The following LCE1E variants were observed in gnomAD, a reference collection of about 807,000 sequenced individuals.
LCE1E encodes the protein late cornified envelope protein 1E.
For synonymous variants in LCE1E, 61 were observed against 55.0 expected, an observed-to-expected ratio of 1.11 and a Z score of -0.48; for missense variants, 144 against 144.3, an observed-to-expected ratio of 1.00 and a Z score of 0.01.
Position 152,787,876 on chromosome 1 carries a change from T to A in LCE1E, c.*220T>A, listed in dbSNP as rs61814474. The stretch of plus-strand genomic sequence containing the variant: ...TCCTCCCCAGCTCACGCTGCTGTAT[T>A]CTGTGCTGCCTGAACTGAAGAAATA... On this transcript the variant is annotated 3_prime_UTR_variant, in exon 2 of 2. Coordinates refer to ENST00000368770, the MANE Select transcript of LCE1E (RefSeq NM_178353.2). 112,699 of 604,324 alleles carry A rather than the reference T, an allele frequency of 0.19. 4,011 individuals are homozygous for A. Among genetic ancestry groups the A allele is most frequent in the African/African-American group, 0.34 (17,770 of 52,086 alleles). The allele number at this position is 604,324 out of a possible 1,614,324, so 37.4% of individuals were successfully genotyped here.
rs41268484 is a variant in LCE1E, at chr1:152,786,290, G to C, written c.-40G>C. Reference sequence around the variant, plus strand: ...ACTTCCTGAGGTGCCGAAGGACCCTGTGCTGCCTGTGACTTTGGTATGTGT... The same window carrying C: ...ACTTCCTGAGGTGCCGAAGGACCCTCTGCTGCCTGTGACTTTGGTATGTGT... On this transcript the variant is annotated 5_prime_UTR_variant, in exon 1 of 2. Transcript: ENST00000368770. The C allele has an allele frequency of 0.28, 42,419 of 152,394 alleles. 6,389 individuals are homozygous for C. The highest frequency in any genetic ancestry group is 0.35 in the Non-Finnish European group (23,536 of 68,150). The allele number at this position is 152,394 out of a possible 1,614,324, so 9.4% of individuals were successfully genotyped here. A position where few individuals can be genotyped will look rare whatever the true frequency, so the allele number is the denominator to read the frequency against.
intron 1 of LCE1E, 94 bp downstream of exon 1, chr1:152,786,401 G>A (rs1399585787): frequency 2.0e-5 from 3 of 152,692 alleles, no homozygotes; most frequent in Admixed American, 6.5e-5. Context: ...CATGGGGGAG[G>A]AGACTGGTAA....
At chr1:152,787,056 T>C (rs1651865811) in intron 1 of LCE1E, among the ~76,000 whole-genome samples, 1 of 152,234 alleles carries the variant, frequency 6.6e-6, no homozygotes, top group Non-Finnish European at 1.5e-5. Flanking sequence ...GACTGTCAGA[T>C]GCATTTTGTA....
At chr1:152,787,157 A>C (rs1342382565) in intron 1 of LCE1E, 121 bp from the exon 2 acceptor site, 2 of 942,546 alleles carry the variant, frequency 2.1e-6, no homozygotes, top group African/African-American at 3.3e-5. Context: ...GAATTTGGGG[A>C]AAGTATTGGA....
At chr1:152,787,220 T>C in intron 1 of LCE1E, 58 bp from the exon 2 acceptor site, 1 of 1,462,800 alleles carries the variant, frequency 6.8e-7, no homozygotes, top group Non-Finnish European at 9.5e-7. Flanking sequence ...GCTAAGAGTG[T>C]CAGAGGGGCA....
At chr1:152,786,579 C>T (rs757352205) in intron 1 of LCE1E, among the ~76,000 whole-genome samples, 12 of 152,160 alleles carry the variant, frequency 7.9e-5, no homozygotes, top group Non-Finnish European at 1.3e-4. Flanking sequence ...AACCTTGTCC[C>T]TGTCTGCAAG....
intron 1 of LCE1E, among the ~76,000 whole-genome samples, chr1:152,786,631 G>A (rs975793594): frequency 1.2e-4 from 18 of 152,130 alleles, no homozygotes; most frequent in Non-Finnish European, 4.4e-5. Context: ...GGCTCCTTTG[G>A]GCTTATGGAA....
rs756254791 is a variant in LCE1E, at chr1:152,787,458, C to T, written c.159C>T (p.Gly53=). Residue 53 remains glycine (G), a synonymous_variant, in exon 2 of 2, where the codon GGC becomes GGT. Transcript: ENST00000368770. ...GTGTCAGCTCCGGAGGCTGCTGTGG[C>T]TCCAGCTCTGGGGGCAGCTGTGGCT... ...CCSVSSGGCC[G]SSSGGSCGSS... 1 of 1,613,572 alleles carries T rather than the reference C, an allele frequency of 6.2e-7. No individual in the cohort carries two copies. The highest frequency in any genetic ancestry group is 8.5e-7 in the Non-Finnish European group (1 of 1,179,852).
chr1:152,787,182 A>T, intron 1 of LCE1E, 96 bp from the exon 2 acceptor site: 1 of 1,141,896 alleles, frequency 8.8e-7, no homozygotes, highest in South Asian at 1.4e-5. Flanking sequence ...AAACTACTGG[A>T]CATGATGTTT....
rs565831886 is a variant in LCE1E at position 152,786,726 on chromosome 1, C to G, written c.-23+419C>G. Among the ~76,000 whole-genome samples the G allele has an allele frequency of 4.6e-5, 7 of 152,236 alleles. No homozygotes were observed. The South Asian group carries it at 1.5e-3, about 32-fold the overall frequency. On this transcript the variant is annotated intron_variant, in intron 1 of 1. Transcript: ENST00000368770. The stretch of plus-strand genomic sequence containing the variant: ...CAAACCTGAGACTCACCATGCCCAC[C>G]CATCAGCCTGAGCAGGTGGTAAGCT...
rs752322139 is a variant in LCE1E, at chr1:152,787,690, GC to G, written c.*36del. 1.3e-6 allele frequency: 2 copies of G among 1,524,612 alleles called. No homozygotes were observed. Among genetic ancestry groups the G allele is most frequent in the Non-Finnish European group, 1.8e-6 (2 of 1,138,232 alleles). 94.4% of individuals were successfully genotyped at this position (1,524,612 alleles called of 1,614,324 possible). On this transcript the variant is annotated 3_prime_UTR_variant, in exon 2 of 2. Coordinates refer to ENST00000368770, the MANE Select transcript of LCE1E (RefSeq NM_178353.2). ...TTGACTTCCTCTTCCTTCTGATTCTGCCTGAATAGCTGAGAGGTTCCAGCAA... is the reference window on the plus strand; with the variant it reads ...TTGACTTCCTCTTCCTTCTGATTCTGCTGAATAGCTGAGAGGTTCCAGCAA...
chr1:152,787,099 A>G (rs1651868406), intron 1 of LCE1E, among the ~76,000 whole-genome samples, 179 bp from the exon 2 acceptor site: 1 of 152,194 alleles, frequency 6.6e-6, no homozygotes, highest in Non-Finnish European at 1.5e-5. Context: ...AATTTTGTGT[A>G]GCAGATAACA....
rs535623505 is a variant in LCE1E at position 152,787,613 on chromosome 1, G to C, written c.314G>C (p.Cys105Ser). ...AGCCAGCCCTCAGGGGGCTCCAGCT[G>C]CTGTGGAGGGGGCAGCGGCCAGCAC... ...CCSQPSGGSS[C>S]CGGGSGQHSG... The change falls in exon 2 of 2, where the codon TGC becomes TCC. Residue 105 changes from cysteine to serine, a missense_variant. Physicochemically the swap from Cys to Ser is moderately radical, Grantham distance 112 (BLOSUM62 -1). Transcript: ENST00000368770. 3 of 1,603,430 alleles carry C rather than the reference G, an allele frequency of 1.9e-6. No individual in the cohort carries two copies. Among genetic ancestry groups the C allele is most frequent in the Admixed American group, 3.4e-5 (2 of 58,872 alleles).
Position 152,788,384 on chromosome 1 carries a change from T to A in LCE1E, c.*728T>A, listed in dbSNP as rs1469154875. 6.8e-6 allele frequency: 1 copy of A among 146,862 alleles called. No individual in the cohort carries two copies. Among genetic ancestry groups the A allele is most frequent in the Admixed American group, 7.3e-5 (1 of 13,772 alleles). 9.1% of individuals were successfully genotyped at this position (146,862 alleles called of 1,614,324 possible). On this transcript the variant is annotated 3_prime_UTR_variant, in exon 2 of 2. Transcript: ENST00000368770. ...TTAAATCACATTTAGTGCTGTATAA[T>A]TTGCATGCAATAAAATTCAATAAAA... is the stretch of plus-strand genomic sequence containing the variant.
chr1:152,787,720 C>T lies in LCE1E; in HGVS notation c.*64C>T. 3.3e-6 allele frequency: 5 copies of T among 1,497,462 alleles called. No homozygotes were observed. The highest frequency in any genetic ancestry group is 4.5e-6 in the Non-Finnish European group (5 of 1,119,114). The allele number at this position is 1,497,462 out of a possible 1,614,324, so 92.8% of individuals were successfully genotyped here. ...AATAGCTGAGAGGTTCCAGCAAAAG[C>T]TTGAAGTCTTGCCTGGAGAATCCCT... On this transcript the variant is annotated 3_prime_UTR_variant, in exon 2 of 2. Coordinates refer to ENST00000368770, the MANE Select transcript of LCE1E (RefSeq NM_178353.2).
chr1:152,787,887 T>G lies in LCE1E; in HGVS notation c.*231T>G. 1.8e-6 allele frequency: 1 copy of G among 540,796 alleles called. No individual in the cohort carries two copies. Among genetic ancestry groups the G allele is most frequent in the Admixed American group, 3.6e-5 (1 of 27,926 alleles). The allele number at this position is 540,796 out of a possible 1,614,324, so 33.5% of individuals were successfully genotyped here. On this transcript the variant is annotated 3_prime_UTR_variant, in exon 2 of 2. Transcript: ENST00000368770. ...TCACGCTGCTGTATTCTGTGCTGCCTGAACTGAAGAAATAAAATCCAGAAT... is the reference window on the plus strand; with the variant it reads ...TCACGCTGCTGTATTCTGTGCTGCCGGAACTGAAGAAATAAAATCCAGAAT...
Position 152,787,533 on chromosome 1 carries a change from C to A in LCE1E, c.234C>A (p.Ser78Arg). ...CTGGGGGAGGTGGCTGCTGCCTGAG[C>A]CACCACAGGCACCACAGGTCCCACC... ...CSSGGGGCCL[S>R]HHRHHRSHRH... Residue 78 changes from serine (S) to arginine (R), a missense_variant, in exon 2 of 2, where the codon AGC becomes AGA. By Grantham distance (110) the Ser-to-Arg change is moderately radical. Coordinates refer to ENST00000368770, the MANE Select transcript of LCE1E (RefSeq NM_178353.2). The A allele has an allele frequency of 6.2e-7, 1 of 1,611,666 alleles. No homozygotes were observed. The highest frequency in any genetic ancestry group is 8.5e-7 in the Non-Finnish European group (1 of 1,179,038).
In LCE1E at chr1:152,787,816, T is replaced by C. The variant is rs1396875695; in HGVS notation, c.*160T>C. ...TTAGAGACTTTCTTCTGCAGATCCATGGCTGCCCTGGGAACTCCAAAGCAC... is the reference window on the plus strand; with the variant it reads ...TTAGAGACTTTCTTCTGCAGATCCACGGCTGCCCTGGGAACTCCAAAGCAC... On this transcript the variant is annotated 3_prime_UTR_variant, in exon 2 of 2. Transcript: ENST00000368770. 6 of 849,654 alleles carry C rather than the reference T, an allele frequency of 7.1e-6. No homozygotes were observed. The Admixed American group carries it at 1.2e-4, about 16-fold the overall frequency. The allele number at this position is 849,654 out of a possible 1,614,324, so 52.6% of individuals were successfully genotyped here. A position where few individuals can be genotyped will look rare whatever the true frequency, so the allele number is the denominator to read the frequency against.
At position 152,787,545 on chromosome 1, in the gene LCE1E, C is replaced by T. The variant is rs1557834957; in HGVS notation, c.246C>T (p.His82=). The change falls in exon 2 of 2, where the codon CAC becomes CAT. Residue 82 remains histidine, a synonymous_variant. Transcript: ENST00000368770. ...GGGCCLSHHR[H]HRSHRHRPQS... Reference sequence around the variant, plus strand: ...GCTGCTGCCTGAGCCACCACAGGCACCACAGGTCCCACCGTCACAGACCCC... The same window carrying T: ...GCTGCTGCCTGAGCCACCACAGGCATCACAGGTCCCACCGTCACAGACCCC... 2 of 1,613,674 alleles carry T rather than the reference C, an allele frequency of 1.2e-6. No individual in the cohort carries two copies. Among genetic ancestry groups the T allele is most frequent in the Non-Finnish European group, 1.7e-6 (2 of 1,180,016 alleles).
Sources: allele counts gnomAD v4.1 joint callset (sites outside exome capture counted in the v4.1 genomes callset), GRCh38; gene constraint gnomAD v4.1.1; transcripts MANE v1.5; gene names NCBI Gene and HGNC (gene_info 2026-07-23, HGNC 2026-07-21).